LNX1: variants seen among roughly 807,000 people sequenced by gnomAD.
The protein encoded by LNX1 is ligand of numb-protein X 1, also known as E3 ubiquitin-protein ligase LNX.
In LNX1, 54 loss-of-function variants were observed where a neutral mutation model predicts 68.4. The observed-to-expected ratio is 0.79, with a 90% CI of 0.63 to 0.99. The LOEUF (loss-of-function observed/expected upper bound fraction) is 0.99. Ranked by LOEUF, LNX1 falls within the 50% of genes least tolerant of loss-of-function variation. LNX1 has a pLI of 0.00. For missense variants in LNX1, 906 were observed against 926.4 expected (o/e 0.98, Z 0.29); for synonymous variants, 336 against 350.0 (o/e 0.96, Z 0.45).
intron 1 of LNX1, among the ~76,000 whole-genome samples, chr4:53,634,463 C>T (rs796701917): frequency 1.4e-4 from 22 of 152,154 alleles, no homozygotes; most frequent in African/African-American, 4.8e-4. Flanking sequence ...AGGCTGGTCT[C>T]GAACTCCTGA....
chr4:53,559,855 TCCC>T (rs1730158227), intron 2 of LNX1, among the ~76,000 whole-genome samples: 2 of 147,334 alleles, frequency 1.4e-5, no homozygotes, highest in African/African-American at 5.0e-5. Context: ...GAGATGAGGG[TCCC>T]TCTATGTTGC....
chr4:53,581,482 A>C (rs527736457), intron 1 of LNX1, among the ~76,000 whole-genome samples: 331 of 152,282 alleles, frequency 2.2e-3, no homozygotes, highest in Non-Finnish European at 3.3e-3. Context: ...AAATTACCCA[A>C]GACTGGGTGA....
chr4:53,531,069 G>A (rs1034861490), intron 2 of LNX1, among the ~76,000 whole-genome samples: 1 of 152,206 alleles, frequency 6.6e-6, no homozygotes, highest in Non-Finnish European at 1.5e-5. Context: ...GGAGGCTGAG[G>A]TGGGAGGATG....
intron 2 of LNX1, among the ~76,000 whole-genome samples, chr4:53,554,376 C>T (rs1173897417): frequency 6.6e-6 from 1 of 152,186 alleles, no homozygotes; most frequent in Non-Finnish European, 1.5e-5. Flanking sequence ...TTGGCCAAGT[C>T]GTTATAAACT....
intron 9 of LNX1, among the ~76,000 whole-genome samples, chr4:53,476,518 T>C (rs1723570189): frequency 6.6e-6 from 1 of 152,166 alleles, no homozygotes; most frequent in Non-Finnish European, 1.5e-5. Context: ...TGTGAGCTCC[T>C]CAACCTGAAC....
intron 9 of LNX1, among the ~76,000 whole-genome samples, chr4:53,470,425 G>A (rs533716779): frequency 1.3e-5 from 2 of 152,194 alleles, no homozygotes; most frequent in Admixed American, 1.3e-4. Context: ...TTTGAAAACT[G>A]GCACAAGACA....
intron 9 of LNX1, among the ~76,000 whole-genome samples, chr4:53,462,165 T>C (rs1722198566): frequency 6.6e-6 from 1 of 152,054 alleles, no homozygotes; most frequent in South Asian, 2.1e-4. Flanking sequence ...GTTTAAAGAT[T>C]ATAAGAACAA....
chr4:53,529,573 T>C (rs10517300), intron 2 of LNX1, among the ~76,000 whole-genome samples: 15,523 of 152,120 alleles, frequency 0.1, 813 homozygotes, highest in African/African-American at 0.13. Context: ...CAGTAAAACA[T>C]GAAGCTCTGT....
chr4:53,553,468 G>A (rs1160508802), intron 2 of LNX1, among the ~76,000 whole-genome samples: 2 of 152,152 alleles, frequency 1.3e-5, no homozygotes, highest in South Asian at 4.1e-4. Flanking sequence ...CTTCTGATAT[G>A]GGTGGTCCTC....
chr4:53,609,673 T>G (rs1366398366), intron 2 of LNX1, among the ~76,000 whole-genome samples: 4 of 145,028 alleles, frequency 2.8e-5, no homozygotes, highest in Non-Finnish European at 4.5e-5. Flanking sequence ...ACTATTATAC[T>G]ATTATAGTAC....
chr4:53,650,364 G>A (rs1320905250), intron 1 of LNX1, among the ~76,000 whole-genome samples: 2 of 152,190 alleles, frequency 1.3e-5, no homozygotes, highest in East Asian at 3.8e-4. Flanking sequence ...AGGGTGCGGA[G>A]GGCATCTGCA....
chr4:53,588,280 G>C (rs1732298011), intron 1 of LNX1, among the ~76,000 whole-genome samples: 1 of 152,190 alleles, frequency 6.6e-6, no homozygotes, highest in Non-Finnish European at 1.5e-5. Context: ...ACACAGACCT[G>C]TCTGATACTA....
rs1292164298 is a variant in LNX1 at position 53,460,215 on chromosome 4, A to ATGAG, written c.*688_*691dup. ...TTCCAAGGCCCACTGGTGGAGCAGC[A>ATGAG]TGAGTTTTTATACAGTTACTAACGA... On this transcript the variant is annotated 3_prime_UTR_variant, in exon 11 of 11. Transcript: ENST00000263925. 5 of 195,028 alleles carry ATGAG rather than the reference A, an allele frequency of 2.6e-5. No homozygotes were observed. Among genetic ancestry groups the ATGAG allele is most frequent in the South Asian group, 3.8e-4 (2 of 5,222 alleles). The allele number at this position is 195,028 out of a possible 1,614,324, so 12.1% of individuals were successfully genotyped here. A position where few individuals can be genotyped will look rare whatever the true frequency, so the allele number is the denominator to read the frequency against.
At chr4:53,543,408 C>T (rs184086703) in intron 2 of LNX1, among the ~76,000 whole-genome samples, 6 of 152,168 alleles carry the variant, frequency 3.9e-5, no homozygotes, top group Non-Finnish European at 5.9e-5. Context: ...ATATGTCATA[C>T]ACATTTGATA....
Position 53,547,693 on chromosome 4 carries a change from C to T in LNX1, c.380+25930G>A, listed in dbSNP as rs1729204209. 1.3e-5 allele frequency among the ~76,000 whole-genome samples: 2 copies of T among 152,140 alleles called. 1 individual carries two copies. The highest frequency in any genetic ancestry group is 4.1e-4 in the South Asian group (2 of 4,822). Reference sequence around the variant, plus strand: ...GGGGCAACCAGGAAGACAGCTCCAGCTCTGGGTATGCAAGAGTTAAACATG... The same window carrying T: ...GGGGCAACCAGGAAGACAGCTCCAGTTCTGGGTATGCAAGAGTTAAACATG... On this transcript the variant is annotated intron_variant, in intron 2 of 10. Coordinates refer to ENST00000263925, the MANE Select transcript of LNX1 (RefSeq NM_001126328.3).
intron 2 of LNX1, among the ~76,000 whole-genome samples, chr4:53,614,889 C>T (rs912746038): frequency 3.9e-5 from 6 of 152,146 alleles, no homozygotes; most frequent in African/African-American, 1.4e-4. Context: ...GTGGCCTGAC[C>T]TCAGAATCTG....
chr4:53,585,584 A>T (rs746670616), intron 1 of LNX1, among the ~76,000 whole-genome samples: 1 of 152,180 alleles, frequency 6.6e-6, no homozygotes, highest in Non-Finnish European at 1.5e-5. Context: ...GTGGGTCCTA[A>T]ATTCAATGAC....
At chr4:53,553,471 T>G (rs1420605864) in intron 2 of LNX1, among the ~76,000 whole-genome samples, 5 of 152,124 alleles carry the variant, frequency 3.3e-5, no homozygotes, top group African/African-American at 9.7e-5. Flanking sequence ...CTGATATGGG[T>G]GGTCCTCAGA....
At chr4:53,603,707 G>A (rs1027883955) in intron 2 of LNX1, 2 of 152,212 alleles carry the variant, frequency 1.3e-5, no homozygotes, top group African/African-American at 4.8e-5. Flanking sequence ...CTATTGCGAG[G>A]ACAGTACCTT....
Sources: gnomAD v4.1 joint callset for allele counts (sites outside exome capture counted in the v4.1 genomes callset) on GRCh38, gnomAD v4.1.1 for gene constraint, MANE v1.5 for transcripts, NCBI Gene and HGNC (gene_info 2026-07-23, HGNC 2026-07-21) for gene names.